The following KDM5B variants were observed in gnomAD, a reference collection of about 807,000 sequenced individuals.
KDM5B encodes the protein lysine-specific demethylase 5B.
Under a neutral mutation model 193.4 loss-of-function variants are expected in KDM5B, and 144 were observed. The ratio of observed to expected loss-of-function variants is 0.74; its 90% CI spans 0.65 to 0.86. KDM5B has a LOEUF of 0.86. Ranked by LOEUF, KDM5B falls within the 40% of genes least tolerant of loss-of-function variation. The pLI is 0.00. For synonymous variants in KDM5B, 668 were observed against 682.6 expected (o/e 0.98, Z 0.33); for missense variants, 1,833 against 1,886.9 (o/e 0.97, Z 0.53).
At chr1:202,761,744 C>A (rs764275542) in intron 7 of KDM5B, among the ~76,000 whole-genome samples, 1 of 152,176 alleles carries the variant, frequency 6.6e-6, no homozygotes, top group East Asian at 1.9e-4. Flanking sequence ...CCTGCCAACA[C>A]CTTGATCTCA....
chr1:202,768,383 C>G (rs577510710), intron 4 of KDM5B, among the ~76,000 whole-genome samples: 70 of 152,200 alleles, frequency 4.6e-4, no homozygotes, highest in African/African-American at 1.5e-3. Flanking sequence ...GCAGCTATAT[C>G]TGGAATGAGA....
rs139172751 is a variant in KDM5B, at chr1:202,776,995, A to C, written c.282+22T>G. On this transcript the variant is annotated intron_variant, in intron 2 of 26. Coordinates refer to ENST00000367265, the MANE Select transcript of KDM5B (RefSeq NM_006618.5). ...CGGTCCCCCTGGAATACAGGCAAAC[A>C]GAACAATAGTGAAGACATTACCTCC... is the stretch of plus-strand genomic sequence containing the variant. 24 of 1,527,652 alleles carry C rather than the reference A, an allele frequency of 1.6e-5. No homozygotes were observed. The African/African-American group carries it at 2.9e-4, about 18-fold the overall frequency. The allele number at this position is 1,527,652 out of a possible 1,614,324, so 94.6% of individuals were successfully genotyped here. A position where few individuals can be genotyped will look rare whatever the true frequency, so the allele number is the denominator to read the frequency against.
intron 1 of KDM5B, among the ~76,000 whole-genome samples, chr1:202,791,056 T>A (rs973566642): frequency 6.6e-6 from 1 of 152,190 alleles, no homozygotes; most frequent in African/African-American, 2.4e-5. Context: ...ATGCTCAATT[T>A]AGGATGGTAG....
chr1:202,784,292 T>G (rs937845395), intron 1 of KDM5B, among the ~76,000 whole-genome samples: 1 of 152,194 alleles, frequency 6.6e-6, no homozygotes, highest in Admixed American at 6.5e-5. Flanking sequence ...GAAAGTTGGC[T>G]CTAACTCCCT....
intron 1 of KDM5B, among the ~76,000 whole-genome samples, chr1:202,802,770 AT>A (rs957440814): frequency 5.3e-5 from 8 of 152,128 alleles, no homozygotes; most frequent in African/African-American, 1.9e-4. Flanking sequence ...CAGTAAACAC[AT>A]TTTTCACTAA....
chr1:202,775,686 T>C (rs948935538), intron 2 of KDM5B, among the ~76,000 whole-genome samples: 3 of 149,314 alleles, frequency 2.0e-5, no homozygotes, highest in African/African-American at 7.4e-5. Context: ...TGAAACCCCA[T>C]CTCTACTAAA....
chr1:202,772,985 C>A lies in KDM5B; in HGVS notation c.576+133G>T, dbSNP rs1320546074. ...GTGTTGGGATTACAGGAGTGAGCCA[C>A]CGCGCCCCACCAAAATAAGGTCTTC... On this transcript the variant is annotated intron_variant, in intron 4 of 26. Coordinates refer to ENST00000367265, the MANE Select transcript of KDM5B (RefSeq NM_006618.5). 4.7e-6 allele frequency: 3 copies of A among 637,918 alleles called. No homozygotes were observed. In the African/African-American group the frequency reaches 5.5e-5, roughly 12 times the overall value. 39.5% of individuals were successfully genotyped at this position (637,918 alleles called of 1,614,324 possible). A position where few individuals can be genotyped will look rare whatever the true frequency, so the allele number is the denominator to read the frequency against.
At position 202,779,945 on chromosome 1, in the gene KDM5B, T is replaced by A. The variant is rs561210401; in HGVS notation, c.205-2851A>T. Among the ~76,000 whole-genome samples, 281 of 152,160 alleles carry A rather than the reference T, an allele frequency of 1.8e-3. 1 individual carries two copies. Among genetic ancestry groups the A allele is most frequent in the African/African-American group, 6.2e-3 (256 of 41,544 alleles). On this transcript the variant is annotated intron_variant, in intron 1 of 26. Coordinates refer to ENST00000367265, the MANE Select transcript of KDM5B (RefSeq NM_006618.5). ...ATGGTATTACAATAACATTGAATATTATACAGCATTTAAAAGTGCTAGATT... is the reference window on the plus strand; with the variant it reads ...ATGGTATTACAATAACATTGAATATAATACAGCATTTAAAAGTGCTAGATT...
chr1:202,776,516 C>G (rs539828725), intron 2 of KDM5B, among the ~76,000 whole-genome samples: 2 of 152,014 alleles, frequency 1.3e-5, no homozygotes, highest in African/African-American at 2.4e-5. Context: ...AACCCTACAA[C>G]AAAAACACAA....
intron 1 of KDM5B, among the ~76,000 whole-genome samples, chr1:202,798,966 A>G (rs748656900): frequency 4.7e-4 from 71 of 152,036 alleles, no homozygotes; most frequent in Admixed American, 1.0e-3. Context: ...GCTGCAATGA[A>G]CTATGATTGC....
chr1:202,760,272 T>G, intron 8 of KDM5B, 143 bp downstream of exon 8: 1 of 570,612 alleles, frequency 1.8e-6, no homozygotes, highest in East Asian at 3.3e-5. Flanking sequence ...GCCATGTTTG[T>G]GCCACTGCAC....
intron 8 of KDM5B, among the ~76,000 whole-genome samples, chr1:202,759,862 A>C (rs1034977658): frequency 2.0e-5 from 3 of 152,228 alleles, no homozygotes; most frequent in Non-Finnish European, 4.4e-5. Flanking sequence ...TGCTTTTTAT[A>C]AGAATTAAAA....
rs181761006 is a variant in KDM5B, at chr1:202,778,300, T to C, written c.205-1206A>G. ...AATCAGACAATTAAATATATATATA[T>C]ACACACACACACATATATGTATGAA... is the stretch of plus-strand genomic sequence containing the variant. On this transcript the variant is annotated intron_variant, in intron 1 of 26. Coordinates refer to ENST00000367265, the MANE Select transcript of KDM5B (RefSeq NM_006618.5). 4.0e-3 allele frequency among the ~76,000 whole-genome samples: 605 copies of C among 151,952 alleles called. 7 individuals are homozygous for C. Among genetic ancestry groups the C allele is most frequent in the Admixed American group, 0.017 (252 of 15,218 alleles).
chr1:202,752,876 A>G, intron 12 of KDM5B, 29 bp downstream of exon 12: 1 of 1,584,728 alleles, frequency 6.3e-7, no homozygotes, highest in Non-Finnish European at 8.6e-7. Flanking sequence ...ATTAAGCTTG[A>G]GTGGCAGGAG....
intron 4 of KDM5B, among the ~76,000 whole-genome samples, chr1:202,768,166 T>G (rs890056812): frequency 3.3e-5 from 5 of 152,216 alleles, no homozygotes; most frequent in Admixed American, 3.3e-4. Context: ...GAAATGCATC[T>G]CTTCTTTGGT....
intron 1 of KDM5B, among the ~76,000 whole-genome samples, chr1:202,804,579 T>TTC (rs1472152354): frequency 2.6e-5 from 4 of 152,120 alleles, no homozygotes; most frequent in African/African-American, 4.8e-5. Flanking sequence ...TATTAAAACA[T>TTC]TTAAGGGCAG....
intron 26 of KDM5B, 151 bp from the exon 27 acceptor site, chr1:202,729,324 G>A: frequency 2.5e-6 from 2 of 790,204 alleles, no homozygotes; most frequent in Non-Finnish European, 4.1e-6. Context: ...CCAAATGAGT[G>A]TAGCTGGCCC....
At chr1:202,779,844 T>TAAATA (rs1553359863) in intron 1 of KDM5B, among the ~76,000 whole-genome samples, 6 of 145,856 alleles carry the variant, frequency 4.1e-5, no homozygotes, top group African/African-American at 7.7e-5. Flanking sequence ...AATAAATAAA[T>TAAATA]AAAAAATAAA....
At chr1:202,739,465 T>C (rs1415016847) in intron 20 of KDM5B, among the ~76,000 whole-genome samples, 1 of 151,998 alleles carries the variant, frequency 6.6e-6, no homozygotes, top group Non-Finnish European at 1.5e-5. Flanking sequence ...CCTTTTTTAT[T>C]TTTATTTTTA....
Sources: allele counts gnomAD v4.1 joint callset (sites outside exome capture counted in the v4.1 genomes callset), GRCh38; gene constraint gnomAD v4.1.1; transcripts MANE v1.5; gene names NCBI Gene and HGNC (gene_info 2026-07-23, HGNC 2026-07-21).